Variants in MYO9B observed in about 807,000 individuals in gnomAD.
MYO9B encodes unconventional myosin-IXb.
A neutral mutation model predicts 229.5 loss-of-function variants in MYO9B; 71 were observed. The observed-to-expected ratio is 0.31, with a 90% CI of 0.26 to 0.38. The LOEUF (loss-of-function observed/expected upper bound fraction) is 0.38. MYO9B is among the 10% of genes least tolerant of loss of function. The probability of loss-of-function intolerance (pLI) is 1.00; values close to 1 mark genes in which losing one functional copy is unlikely to be tolerated. For synonymous variants in MYO9B, 1,185 were observed against 1,235.8 expected, an observed-to-expected ratio of 0.96 and a Z score of 0.86; for missense variants, 2,255 against 2,920.5, an observed-to-expected ratio of 0.77 and a Z score of 5.25.
chr19:17,174,022 C>CTTT (rs11313520), intron 13 of MYO9B, among the ~76,000 whole-genome samples: 6 of 64,734 alleles, frequency 9.3e-5, no homozygotes, highest in East Asian at 5.3e-4. Flanking sequence ...TGATGAGCTG[C>CTTT]TTTTTTTTTT....
chr19:17,175,412 C>A lies in MYO9B; in HGVS notation c.2141-251C>A, dbSNP rs190272259. Among the ~76,000 whole-genome samples, 39 of 152,088 alleles carry A rather than the reference C, an allele frequency of 2.6e-4. No individual in the cohort carries two copies. In the East Asian group the frequency reaches 7.3e-3, roughly 29 times the overall value. On this transcript the variant is annotated intron_variant, in intron 13 of 39. Transcript: ENST00000682292. ...CCAGCCTGGCCAATATGGCAAAACC[C>A]CGTCTCTACTAAAAATACAAAAATT...
At chr19:17,102,669 G>A (rs531382019) in intron 2 of MYO9B, 112 bp downstream of exon 2, 51 of 1,399,942 alleles carry the variant, frequency 3.6e-5, no homozygotes, top group Admixed American at 2.5e-4. Flanking sequence ...GGAAGGCTGA[G>A]GGAGGAGGAT....
At position 17,207,108 on chromosome 19, in the gene MYO9B, T is replaced by C; in HGVS notation, c.5493-5T>C. The C allele has an allele frequency of 6.2e-7, 1 of 1,609,598 alleles. No homozygotes were observed. Among genetic ancestry groups the C allele is most frequent in the Non-Finnish European group, 8.5e-7 (1 of 1,178,988 alleles). ...GCCATCCTCTAACTGCCAGTGGCTG[T>C]GCAGGGTGGCCCTGCTCGAGGATGT... On this transcript the variant is annotated splice_region_variant and splice_polypyrimidine_tract_variant and intron_variant, in intron 34 of 39. Coordinates refer to ENST00000682292, the MANE Select transcript of MYO9B (RefSeq NM_004145.4).
At position 17,179,961 on chromosome 19, in the gene MYO9B, G is replaced by A. The variant is rs182659079; in HGVS notation, c.2220-966G>A. 7.5e-3 allele frequency among the ~76,000 whole-genome samples: 1,132 copies of A among 151,542 alleles called. 8 individuals carry two copies. The highest frequency in any genetic ancestry group is 0.025 in the African/African-American group (1,044 of 41,322). The stretch of plus-strand genomic sequence containing the variant: ...ACTAAATAAATATCCCCAGCCAGGC[G>A]CGGTGGCTCACACCTGTAATCCCAG... On this transcript the variant is annotated intron_variant, in intron 14 of 39. Transcript: ENST00000682292.
chr19:17,200,295 C>A lies in MYO9B; in HGVS notation c.4241C>A (p.Ser1414Tyr), dbSNP rs767203478. 3.7e-6 allele frequency: 6 copies of A among 1,606,916 alleles called. No individual in the cohort carries two copies. The South Asian group carries it at 5.6e-5, about 15-fold the overall frequency. Reference sequence around the variant, plus strand: ...AAGCCACGTACTTTCTCCTGCAGATCCACGTTTAAGAGGCTTTTTCTGCAT... The same window carrying A: ...AAGCCACGTACTTTCTCCTGCAGATACACGTTTAAGAGGCTTTTTCTGCAT... ...LSPGSQVDSK[S>Y]TFKRLFLHKT... Residue 1414 changes from serine (S) to tyrosine (Y), a missense_variant and splice_region_variant, in exon 25 of 40, where the codon TCC becomes TAC. This residue lies in a region of MYO9B where 679 missense variants were observed against 770.2 expected (regional missense o/e 0.88). Coordinates refer to ENST00000682292, the MANE Select transcript of MYO9B (RefSeq NM_004145.4).
rs1236230095 is a variant in MYO9B, at chr19:17,207,138, C to T, written c.5518C>T (p.Arg1840Cys). Reference sequence around the variant, plus strand: ...GGTGGCCCTGCTCGAGGATGTCAACCGCATGTCACCTGGGGCGCTGGCCAT... The same window carrying T: ...GGTGGCCCTGCTCGAGGATGTCAACTGCATGTCACCTGGGGCGCTGGCCAT... ...VKVALLEDVN[R>C]MSPGALAIIF... The change falls in exon 35 of 40, where the codon CGC becomes TGC. Residue 1840 changes from arginine to cysteine, a missense_variant. Physicochemically the swap from Arg to Cys is radical, Grantham distance 180. Around this residue, in one of 7 missense-constraint regions of MYO9B, gnomAD observed 416 missense variants for 605.5 expected, o/e 0.69. Coordinates refer to ENST00000682292, the MANE Select transcript of MYO9B (RefSeq NM_004145.4). The T allele has an allele frequency of 3.7e-6, 6 of 1,610,168 alleles. No individual in the cohort carries two copies. Among genetic ancestry groups the T allele is most frequent in the East Asian group, 2.2e-5 (1 of 44,698 alleles).
At chr19:17,158,101 C>T (rs1234970549) in intron 7 of MYO9B, among the ~76,000 whole-genome samples, 1 of 152,160 alleles carries the variant, frequency 6.6e-6, no homozygotes, top group African/African-American at 2.4e-5. Context: ...CACAGGACAG[C>T]CCCCCAATGG....
In MYO9B at chr19:17,183,699, T is replaced by TG; in HGVS notation, c.2334-129dup. 1.8e-5 allele frequency: 13 copies of TG among 727,044 alleles called. No individual in the cohort carries two copies. The South Asian group carries it at 2.5e-4, about 14-fold the overall frequency. The allele number at this position is 727,044 out of a possible 1,614,324, so 45.0% of individuals were successfully genotyped here. On this transcript the variant is annotated intron_variant, in intron 15 of 39. Transcript: ENST00000682292. ...GAGGTGGCGGTGGCCTTGTTGCACT[T>TG]GCGCCTTCTCACTCTCTCCCCTCTC...
intron 14 of MYO9B, 35 bp downstream of exon 14, chr19:17,175,776 A>G (rs750804302): frequency 2.7e-5 from 40 of 1,463,954 alleles, no homozygotes; most frequent in Non-Finnish European, 3.5e-5. Context: ...AACTGAAATC[A>G]TTAGGTGGCA....
Position 17,172,009 on chromosome 19 carries a change from C to T in MYO9B, c.1794-327C>T, listed in dbSNP as rs1002593821. Among the ~76,000 whole-genome samples the T allele has an allele frequency of 6.6e-6, 1 of 152,168 alleles. No individual in the cohort carries two copies. The highest frequency in any genetic ancestry group is 2.4e-5 in the African/African-American group (1 of 41,430). On this transcript the variant is annotated intron_variant, in intron 11 of 39. Coordinates refer to ENST00000682292, the MANE Select transcript of MYO9B (RefSeq NM_004145.4). The surrounding 1 kb of genome is among the most constrained non-coding windows in gnomAD (Gnocchi z 8.2). ...TCACTTCACCCTCAGCCTCCTTGTACCAGGCTGCAGCTATGCCAGCTGACG... is the reference window on the plus strand; with the variant it reads ...TCACTTCACCCTCAGCCTCCTTGTATCAGGCTGCAGCTATGCCAGCTGACG...
At chr19:17,145,577 GA>G in intron 3 of MYO9B, 86 bp downstream of exon 3, 3 of 1,156,196 alleles carry the variant, frequency 2.6e-6, no homozygotes, top group Non-Finnish European at 3.9e-6. Context: ...GAGATGTGGA[GA>G]TCATGGCTGT....
chr19:17,211,950 CACCGTGG>C lies in MYO9B; in HGVS notation c.6115_6121del (p.Thr2039ProfsTer12). The C allele has an allele frequency of 2.6e-6, 4 of 1,560,556 alleles. No homozygotes were observed. The highest frequency in any genetic ancestry group is 1.2e-5 in the South Asian group (1 of 84,430). ...GCGCGCCCACCCCGAGCCCCCTCCC[CACCGTGG>C]CCGCCCCTCCACGACGAAGGCCGTC... On this transcript the variant is annotated frameshift_variant, in exon 40 of 40. Transcript: ENST00000682292. LOFTEE classifies it low-confidence loss of function (END_TRUNC).
chr19:17,162,573 A>G (rs1386128450), intron 9 of MYO9B, 107 bp downstream of exon 9: 4 of 942,820 alleles, frequency 4.2e-6, no homozygotes, highest in South Asian at 3.1e-5. Flanking sequence ...GGCATCTGCA[A>G]TCAAGAGGCT....
intron 1 of MYO9B, among the ~76,000 whole-genome samples, chr19:17,084,920 T>C (rs1405875256): frequency 6.6e-6 from 1 of 151,840 alleles, no homozygotes; most frequent in Non-Finnish European, 1.5e-5. Context: ...GAAAAAAACA[T>C]GTCTCGGGAC....
Position 17,194,581 on chromosome 19 carries a change from C to G in MYO9B, c.3154C>G (p.Gln1052Glu). The change falls in exon 22 of 40, where the codon CAG becomes GAG. Residue 1052 changes from glutamine (Q) to glutamate (E), a missense_variant. Physicochemically the swap from Gln to Glu is conservative, Grantham distance 29. Coordinates refer to ENST00000682292, the MANE Select transcript of MYO9B (RefSeq NM_004145.4). ...KSFSQMISEK[Q>E]KAEEKEREAL... ...CTTCAGCCAGATGATCTCGGAGAAG[C>G]AGAAGGCAGAAGAGAAGGAGAGGGA... 6.2e-7 allele frequency: 1 copy of G among 1,612,720 alleles called. No individual in the cohort carries two copies. Among genetic ancestry groups the G allele is most frequent in the Non-Finnish European group, 8.5e-7 (1 of 1,179,828 alleles).
At chr19:17,098,689 G>A (rs2057715706) in intron 1 of MYO9B, among the ~76,000 whole-genome samples, 1 of 152,126 alleles carries the variant, frequency 6.6e-6, no homozygotes, top group African/African-American at 2.4e-5. Flanking sequence ...AGCACTCTAG[G>A]GGGCCTAGGC....
chr19:17,097,894 G>A (rs1259760502), intron 1 of MYO9B, among the ~76,000 whole-genome samples: 1 of 152,112 alleles, frequency 6.6e-6, no homozygotes, highest in Non-Finnish European at 1.5e-5. Context: ...CTCTGCTCTT[G>A]TAGCAAAAGC....
At chr19:17,170,937 C>G (rs982533392) in intron 11 of MYO9B, among the ~76,000 whole-genome samples, 1 of 151,974 alleles carries the variant, frequency 6.6e-6, no homozygotes, top group Non-Finnish European at 1.5e-5. Flanking sequence ...CAAGGCCTGG[C>G]CCAGCAGGCT....
intron 32 of MYO9B, 24 bp from the exon 33 acceptor site, chr19:17,206,224 A>AGGGGGG: frequency 1.2e-5 from 19 of 1,562,838 alleles, no homozygotes; most frequent in Non-Finnish European, 1.7e-5. Flanking sequence ...GCCGCTCACC[A>AGGGGGG]GACCCACCCC....
Sources: gnomAD v4.1 joint callset for allele counts (sites outside exome capture counted in the v4.1 genomes callset) on GRCh38, gnomAD v4.1.1 for gene constraint, gnomAD v4.1.1 regional missense constraint, Gnocchi (gnomAD v3.1) non-coding constraint, MANE v1.5 for transcripts, NCBI Gene and HGNC (gene_info 2026-07-23, HGNC 2026-07-21) for gene names.